Variants in TRUB1 observed in about 807,000 individuals in gnomAD.
TRUB1 encodes the protein pseudouridylate synthase TRUB1.
Under a neutral mutation model 33.9 loss-of-function variants are expected in TRUB1, and 23 were observed. The observed-to-expected ratio is 0.68, with a 90% CI of 0.49 to 0.96. The LOEUF (loss-of-function observed/expected upper bound fraction) is 0.96. TRUB1 is among the 40% of genes least tolerant of loss of function. TRUB1 has a pLI of 0.00. For synonymous variants in TRUB1, 163 were observed against 165.4 expected (o/e 0.99, Z 0.11); for missense variants, 378 against 422.2 (o/e 0.90, Z 0.92).
At chr10:114,968,029 A>G (rs2084318289) in intron 4 of TRUB1, among the ~76,000 whole-genome samples, 1 of 152,172 alleles carries the variant, frequency 6.6e-6, no homozygotes, top group African/African-American at 2.4e-5. Flanking sequence ...TATATACGAA[A>G]AATTGTCTTT....
chr10:114,953,173 A>G (rs1016966158), intron 3 of TRUB1, among the ~76,000 whole-genome samples: 1 of 152,196 alleles, frequency 6.6e-6, no homozygotes, highest in Non-Finnish European at 1.5e-5. Flanking sequence ...ATGTAAATAC[A>G]TCATTGACTC....
chr10:114,963,234 C>T (rs191802509), intron 4 of TRUB1, among the ~76,000 whole-genome samples: 154 of 152,284 alleles, frequency 1.0e-3, no homozygotes, highest in Admixed American at 2.7e-3. Flanking sequence ...TCAGATGTTA[C>T]CAAGGTCTTC....
chr10:114,959,517 A>G (rs948987826), intron 3 of TRUB1, among the ~76,000 whole-genome samples: 3 of 152,204 alleles, frequency 2.0e-5, no homozygotes, highest in Admixed American at 6.5e-5. Flanking sequence ...TCTTTCTCAT[A>G]TTGGCTAGTG....
intron 7 of TRUB1, 125 bp from the exon 8 acceptor site, chr10:114,974,998 G>T (rs1398233151): frequency 1.5e-5 from 17 of 1,108,818 alleles, no homozygotes; most frequent in Admixed American, 2.8e-5. Flanking sequence ...TTCTTATATT[G>T]GATTATTATA....
chr10:114,970,474 A>T, intron 5 of TRUB1, 34 bp downstream of exon 5: 1 of 1,473,240 alleles, frequency 6.8e-7, no homozygotes, highest in Non-Finnish European at 9.5e-7. Context: ...AAAAATGTTT[A>T]CTTTTCTTTT....
At chr10:114,944,155 G>GC (rs2084201577) in intron 2 of TRUB1, among the ~76,000 whole-genome samples, 1 of 151,734 alleles carries the variant, frequency 6.6e-6, no homozygotes, top group Non-Finnish European at 1.5e-5. Flanking sequence ...CCCTCTCAGT[G>GC]CCCCCTTCCC....
At chr10:114,952,480 G>A (rs968883162) in intron 3 of TRUB1, among the ~76,000 whole-genome samples, 21 of 139,210 alleles carry the variant, frequency 1.5e-4, no homozygotes, top group African/African-American at 5.7e-4. Context: ...TAGGTAGGTA[G>A]ATAGGTAGAT....
intron 1 of TRUB1, 78 bp downstream of exon 1, chr10:114,938,617 G>C (rs112224427): frequency 7.1e-7 from 1 of 1,404,156 alleles, no homozygotes; most frequent in Non-Finnish European, 9.5e-7. Flanking sequence ...TGCGACGCTC[G>C]TGATTCAAGA....
intron 4 of TRUB1, among the ~76,000 whole-genome samples, chr10:114,968,988 T>C (rs921679529): frequency 6.6e-6 from 1 of 152,276 alleles, no homozygotes; most frequent in Non-Finnish European, 1.5e-5. Flanking sequence ...ACTAAACAGA[T>C]TATAGAATAT....
chr10:114,960,042 A>G (rs78759975), intron 4 of TRUB1: 13,938 of 433,376 alleles, frequency 0.032, 259 homozygotes, highest in Non-Finnish European at 0.043. Context: ...AGTGTTCAGA[A>G]TTATTCTTCC....
At chr10:114,970,705 A>G (rs1437097609) in intron 5 of TRUB1, among the ~76,000 whole-genome samples, 3 of 152,166 alleles carry the variant, frequency 2.0e-5, no homozygotes, top group Admixed American at 6.5e-5. Flanking sequence ...TTCTGATTCT[A>G]TCAACAGACA....
intron 4 of TRUB1, 79 bp downstream of exon 4, chr10:114,959,886 C>G: frequency 1.2e-6 from 1 of 811,296 alleles, no homozygotes; most frequent in East Asian, 2.6e-5. Flanking sequence ...TAAAACAAAT[C>G]TCTGATATTA....
chr10:114,967,211 C>A (rs1404097795), intron 4 of TRUB1, among the ~76,000 whole-genome samples: 1 of 152,176 alleles, frequency 6.6e-6, no homozygotes, highest in Non-Finnish European at 1.5e-5. Flanking sequence ...ACGTTCCCCT[C>A]TCTGTCCCAC....
intron 4 of TRUB1, among the ~76,000 whole-genome samples, chr10:114,966,220 A>G (rs948373357): frequency 6.6e-6 from 1 of 152,154 alleles, no homozygotes; most frequent in Non-Finnish European, 1.5e-5. Context: ...TTGCATATGT[A>G]CATCGTTTTG....
intron 2 of TRUB1, among the ~76,000 whole-genome samples, chr10:114,949,896 G>GTTTTT (rs35333718): frequency 4.0e-5 from 5 of 125,088 alleles, no homozygotes; most frequent in African/African-American, 1.2e-4. Context: ...ATCTTTTAAA[G>GTTTTT]TTTTTTTTTT....
intron 2 of TRUB1, among the ~76,000 whole-genome samples, chr10:114,950,073 T>C (rs1330256915): frequency 6.6e-6 from 1 of 152,032 alleles, no homozygotes; most frequent in Admixed American, 6.6e-5. Flanking sequence ...TAATTTTGTA[T>C]TTTTAGTAGA....
intron 4 of TRUB1, among the ~76,000 whole-genome samples, chr10:114,969,295 T>C (rs1367680773): frequency 6.6e-6 from 1 of 151,456 alleles, no homozygotes; most frequent in African/African-American, 2.4e-5. Flanking sequence ...TAGGCATGTG[T>C]GGTTGTGCAC....
Position 114,975,265 on chromosome 10 carries a change from A to G in TRUB1, c.936A>G (p.Pro312=), listed in dbSNP as rs774899977. The change falls in exon 8 of 8, where the codon CCA becomes CCG. Residue 312 remains proline (P), a synonymous_variant. Coordinates refer to ENST00000298746, the MANE Select transcript of TRUB1 (RefSeq NM_139169.5). The part of the protein sequence containing the change: ...QSLEHCSSLF[P]AELALKKSKP... ...TTGAGCATTGCTCATCTCTTTTCCC[A>G]GCAGAGTTGGCACTTAAAAAATCAA... is the stretch of plus-strand genomic sequence containing the variant. 3.1e-6 allele frequency: 5 copies of G among 1,613,546 alleles called. No homozygotes were observed. The highest frequency in any genetic ancestry group is 3.3e-4 in the Middle Eastern group (2 of 6,082).
At chr10:114,953,797 C>T (rs905272419) in intron 3 of TRUB1, among the ~76,000 whole-genome samples, 2 of 152,060 alleles carry the variant, frequency 1.3e-5, no homozygotes, top group African/African-American at 2.4e-5. Context: ...GTGGCCATGT[C>T]GCATGGTGAG....
Sources: allele counts gnomAD v4.1 joint callset (sites outside exome capture counted in the v4.1 genomes callset), GRCh38; gene constraint gnomAD v4.1.1; transcripts MANE v1.5; gene names NCBI Gene and HGNC (gene_info 2026-07-23, HGNC 2026-07-21).